The following ANKS1A variants were observed in gnomAD, a reference collection of about 807,000 sequenced individuals.
The protein encoded by ANKS1A is ankyrin repeat and SAM domain-containing protein 1A.
In ANKS1A, 55 loss-of-function variants were observed where a neutral mutation model predicts 120.3. That is an observed-to-expected ratio of 0.46 (90% CI 0.37 to 0.57). The LOEUF is 0.57. ANKS1A is among the 20% of genes least tolerant of loss of function. The pLI is 0.00. For synonymous variants in ANKS1A, 590 were observed against 604.7 expected (o/e 0.98, Z 0.36); for missense variants, 1,123 against 1,480.3 (o/e 0.76, Z 3.96).
At chr6:34,932,723 G>A (rs972755268) in intron 1 of ANKS1A, among the ~76,000 whole-genome samples, 1 of 152,136 alleles carries the variant, frequency 6.6e-6, no homozygotes, top group African/African-American at 2.4e-5. Context: ...TCCATTGTAT[G>A]AGTATACCAT....
intron 1 of ANKS1A, among the ~76,000 whole-genome samples, chr6:34,936,054 T>A: frequency 1.0e-5 from 1 of 96,364 alleles, no homozygotes. Context: ...AGAGCGAGAC[T>A]CCGTCTCAAA....
chr6:34,952,466 C>G (rs999688696), intron 1 of ANKS1A, among the ~76,000 whole-genome samples: 12 of 152,188 alleles, frequency 7.9e-5, no homozygotes, highest in African/African-American at 2.9e-4. Flanking sequence ...GGCAACTTTC[C>G]TTCCTACCAC....
At chr6:34,913,657 G>C (rs919132015) in intron 1 of ANKS1A, among the ~76,000 whole-genome samples, 4 of 151,580 alleles carry the variant, frequency 2.6e-5, no homozygotes, top group Non-Finnish European at 5.9e-5. Context: ...TTGTTTTTGA[G>C]ACAGAGTTTT....
intron 8 of ANKS1A, among the ~76,000 whole-genome samples, chr6:34,988,557 C>T (rs1250790384): frequency 6.6e-6 from 1 of 152,216 alleles, no homozygotes; most frequent in Non-Finnish European, 1.5e-5. Context: ...GATCGCGCCA[C>T]TGCACTTCAG....
At chr6:35,043,628 G>C (rs1775576482) in intron 11 of ANKS1A, among the ~76,000 whole-genome samples, 1 of 152,182 alleles carries the variant, frequency 6.6e-6, no homozygotes, top group Admixed American at 6.5e-5. Context: ...ATGGCCACTT[G>C]GGATGAGGGT....
chr6:35,078,238 G>A (rs1777468119), intron 13 of ANKS1A, among the ~76,000 whole-genome samples: 1 of 152,184 alleles, frequency 6.6e-6, no homozygotes, highest in African/African-American at 2.4e-5. Flanking sequence ...TTGGATGCAT[G>A]GAACCTGCTC....
Position 34,985,152 on chromosome 6 carries a change from C to T in ANKS1A, c.1083C>T (p.Tyr361=), listed in dbSNP as rs746688098. The part of the protein sequence containing the change: ...FDANAEEEGP[Y]EALYNAISCH... ...CAAATGCTGAAGAAGAGGGTCCCTA[C>T]GAAGCTCTGTATAATGCCATCTCCT... Residue 361 remains tyrosine (Y), a synonymous_variant, in exon 8 of 24, where the codon TAC becomes TAT. Transcript: ENST00000360359. 25 of 1,614,030 alleles carry T rather than the reference C, an allele frequency of 1.5e-5. No homozygotes were observed. Among genetic ancestry groups the T allele is most frequent in the Middle Eastern group, 1.6e-4 (1 of 6,084 alleles).
chr6:34,929,390 A>C (rs1224217392), intron 1 of ANKS1A, among the ~76,000 whole-genome samples: 1 of 152,204 alleles, frequency 6.6e-6, no homozygotes, highest in African/African-American at 2.4e-5. Context: ...CCTGTTTAGC[A>C]GTATCTGCCT....
rs191505662 is a variant in ANKS1A at position 34,986,751 on chromosome 6, G to A, written c.1209+1473G>A. On this transcript the variant is annotated intron_variant, in intron 8 of 23. Transcript: ENST00000360359. ...CTAGTGGTAGTCCACCAAAGTGGGT[G>A]TTATCAAGGACTGTGACAAAACTCC... is the stretch of plus-strand genomic sequence containing the variant. 6.7e-4 allele frequency among the ~76,000 whole-genome samples: 102 copies of A among 152,378 alleles called. 2 individuals are homozygous for A. The highest frequency in any genetic ancestry group is 5.5e-3 in the Admixed American group (84 of 15,310).
In ANKS1A at chr6:34,925,315, C is replaced by G. The variant is rs575795014; in HGVS notation, c.197+35716C>G. Among the ~76,000 whole-genome samples the G allele has an allele frequency of 3.9e-5, 6 of 152,294 alleles. No individual in the cohort carries two copies. In the East Asian group the frequency reaches 7.7e-4, roughly 20 times the overall value. Reference sequence around the variant, plus strand: ...GTGTCATTCCTCTCCACAGTCTCTGCCCATAGAATGGCTTTCCTCAAGTCC... The same window carrying G: ...GTGTCATTCCTCTCCACAGTCTCTGGCCATAGAATGGCTTTCCTCAAGTCC... On this transcript the variant is annotated intron_variant, in intron 1 of 23. Coordinates refer to ENST00000360359, the MANE Select transcript of ANKS1A (RefSeq NM_015245.3).
chr6:35,036,565 G>A (rs1032407004), intron 11 of ANKS1A, among the ~76,000 whole-genome samples: 1 of 152,328 alleles, frequency 6.6e-6, no homozygotes, highest in Non-Finnish European at 1.5e-5. Context: ...GCAAACCCAG[G>A]TCTCTCGAGA....
chr6:35,047,468 GC>G (rs1775767228), intron 11 of ANKS1A, among the ~76,000 whole-genome samples: 1 of 152,198 alleles, frequency 6.6e-6, no homozygotes. Flanking sequence ...TGGTGGGGGT[GC>G]CCGAAGGACC....
intron 1 of ANKS1A, among the ~76,000 whole-genome samples, chr6:34,943,084 C>T (rs1769613755): frequency 6.6e-6 from 1 of 151,998 alleles, no homozygotes; most frequent in Admixed American, 6.6e-5. Flanking sequence ...ACTCCCACCT[C>T]GGCCTCCCAA....
chr6:34,982,723 C>G lies in ANKS1A; in HGVS notation c.733-29C>G, dbSNP rs779629648. On this transcript the variant is annotated intron_variant, in intron 4 of 23. Transcript: ENST00000360359. The surrounding 1 kb of genome is among the most constrained non-coding windows in gnomAD (Gnocchi z 4.9). The stretch of plus-strand genomic sequence containing the variant: ...CCGCACCAAACTGTTCTGATGACAT[C>G]CCGCTCTGCGCTCTCGTTTGCTTTC... The G allele has an allele frequency of 4.3e-6, 7 of 1,613,636 alleles. No individual in the cohort carries two copies. The highest frequency in any genetic ancestry group is 5.9e-6 in the Non-Finnish European group (7 of 1,179,488).
At chr6:34,992,644 C>T (rs1027453413) in intron 9 of ANKS1A, among the ~76,000 whole-genome samples, 1 of 152,084 alleles carries the variant, frequency 6.6e-6, no homozygotes, top group Non-Finnish European at 1.5e-5. Context: ...CTTAATGGTC[C>T]CTCTTTGTTC....
chr6:35,090,056 T>G lies in ANKS1A; in HGVS notation c.*1447T>G. ...GCCAGAAATCAGAAGTGGGGCTGTGTCTCTGACTGGCTAGAGGCCAGGCCT... is the reference window on the plus strand; with the variant it reads ...GCCAGAAATCAGAAGTGGGGCTGTGGCTCTGACTGGCTAGAGGCCAGGCCT... On this transcript the variant is annotated 3_prime_UTR_variant, in exon 24 of 24. Coordinates refer to ENST00000360359, the MANE Select transcript of ANKS1A (RefSeq NM_015245.3). 7.9e-7 allele frequency: 1 copy of G among 1,259,254 alleles called. No individual in the cohort carries two copies. The highest frequency in any genetic ancestry group is 1.0e-6 in the Non-Finnish European group (1 of 972,514). 78.0% of individuals were successfully genotyped at this position (1,259,254 alleles called of 1,614,324 possible).
intron 1 of ANKS1A, among the ~76,000 whole-genome samples, chr6:34,942,679 T>A (rs1432524417): frequency 5.3e-5 from 8 of 152,124 alleles, no homozygotes; most frequent in Admixed American, 5.2e-4. Context: ...TTCATCCTGA[T>A]ACTGATTTTT....
At position 35,017,493 on chromosome 6, in the gene ANKS1A, A is replaced by G; in HGVS notation, c.1444A>G (p.Ser482Gly). The G allele has an allele frequency of 1.2e-6, 2 of 1,605,936 alleles. No individual in the cohort carries two copies. Among genetic ancestry groups the G allele is most frequent in the South Asian group, 2.2e-5 (2 of 90,336 alleles). ...KTKDHRRSSS[S>G]RSQDSAEGQD... ...CCAAGACCACAGGCGGAGCAGCAGCAGCCGGAGCCAGGACTCTGCGGAGGG... is the reference window on the plus strand; with the variant it reads ...CCAAGACCACAGGCGGAGCAGCAGCGGCCGGAGCCAGGACTCTGCGGAGGG... Residue 482 changes from serine to glycine, a missense_variant, in exon 11 of 24, where the codon AGC (serine) becomes GGC (glycine). Physicochemically the swap from Ser to Gly is moderately conservative, Grantham distance 56 (BLOSUM62 0). Coordinates refer to ENST00000360359, the MANE Select transcript of ANKS1A (RefSeq NM_015245.3).
At chr6:35,096,551 AT>A in the ANKS1A span, among the ~76,000 whole-genome samples, 1 of 152,238 alleles carries the variant, frequency 6.6e-6, no homozygotes, top group African/African-American at 2.4e-5. Context: ...TCTGTAAATG[AT>A]TTGGCCCTTT....
Sources: gnomAD v4.1 joint callset for allele counts (sites outside exome capture counted in the v4.1 genomes callset) on GRCh38, gnomAD v4.1.1 for gene constraint, Gnocchi (gnomAD v3.1) non-coding constraint, MANE v1.5 for transcripts, NCBI Gene and HGNC (gene_info 2026-07-23, HGNC 2026-07-21) for gene names.